GLDC: variants seen among roughly 807,000 people sequenced by gnomAD.
The protein encoded by GLDC is glycine decarboxylase.
GLDC carries 104 observed loss-of-function variants against 121.3 expected under a neutral mutation model. The ratio of observed to expected loss-of-function variants is 0.86; its 90% CI spans 0.73 to 1.01. The LOEUF (loss-of-function observed/expected upper bound fraction) is 1.01. Among genes scored for constraint, GLDC ranks in the 50% least tolerant of loss-of-function variants. The pLI is 0.00. For synonymous variants in GLDC, 546 were observed against 480.6 expected (o/e 1.14, Z -1.78); for missense variants, 1,429 against 1,306.6 (o/e 1.09, Z -1.44).
chr9:6,539,863 C>T (rs1245448104), intron 22 of GLDC, among the ~76,000 whole-genome samples, 188 bp downstream of exon 22: 1 of 152,154 alleles, frequency 6.6e-6, no homozygotes, highest in Non-Finnish European at 1.5e-5. Context: ...TTAATATCTT[C>T]TGAAGGGCAG....
intron 19 of GLDC, among the ~76,000 whole-genome samples, chr9:6,553,728 C>G (rs1817561659): frequency 6.6e-6 from 1 of 152,032 alleles, no homozygotes; most frequent in Non-Finnish European, 1.5e-5. Flanking sequence ...AGGGCTCACC[C>G]AAGAAATGTG....
rs554683699 is a variant in GLDC, at chr9:6,637,315, G to A, written c.334+7299C>T. On this transcript the variant is annotated intron_variant, in intron 2 of 24. Coordinates refer to ENST00000321612, the MANE Select transcript of GLDC (RefSeq NM_000170.3). The stretch of plus-strand genomic sequence containing the variant: ...AGCTACCTGGGAGGCAGAGGCAGGA[G>A]AATCATTTGAACCCCGGAGGCAGAG... Among the ~76,000 whole-genome samples, 683 of 151,372 alleles carry A rather than the reference G, an allele frequency of 4.5e-3. 3 individuals are homozygous for A. Among genetic ancestry groups the A allele is most frequent in the Non-Finnish European group, 8.4e-3 (572 of 67,936 alleles).
At chr9:6,548,828 A>T (rs934541940) in intron 21 of GLDC, among the ~76,000 whole-genome samples, 3 of 152,068 alleles carry the variant, frequency 2.0e-5, no homozygotes, top group African/African-American at 7.2e-5. Context: ...TTGTTCCCCC[A>T]TCTGTTTTTC....
intron 21 of GLDC, among the ~76,000 whole-genome samples, chr9:6,545,847 GCCTGGCTGGTCTCGAACT>G (rs1037286435): frequency 3.3e-5 from 5 of 152,072 alleles, no homozygotes; most frequent in Non-Finnish European, 5.9e-5. Context: ...CACCATGTTG[GCCTGGCTGGTCTCGAACT>G]CCTGAGTTCA....
intron 3 of GLDC, among the ~76,000 whole-genome samples, chr9:6,617,100 C>T (rs992366358): frequency 3.7e-4 from 57 of 152,244 alleles, no homozygotes; most frequent in African/African-American, 1.2e-3. Flanking sequence ...TTTCCCCTCA[C>T]GTCTCCGGAA....
At chr9:6,599,720 C>CA (rs549444099) in intron 8 of GLDC, among the ~76,000 whole-genome samples, 64,493 of 120,270 alleles carry the variant, frequency 0.54, 16,405 homozygotes, top group Middle Eastern at 0.61. Flanking sequence ...GACTCCATCT[C>CA]AAAAAAAAAA....
intron 15 of GLDC, among the ~76,000 whole-genome samples, chr9:6,578,206 G>C (rs1818110494): frequency 6.6e-6 from 1 of 150,798 alleles, no homozygotes. Context: ...CTGCAGCCTA[G>C]ACCTCTGGGT....
Position 6,605,093 on chromosome 9 carries a change from A to G in GLDC, c.861+38T>C, listed in dbSNP as rs2297444. On this transcript the variant is annotated intron_variant, in intron 6 of 24. Coordinates refer to ENST00000321612, the MANE Select transcript of GLDC (RefSeq NM_000170.3). ...TAGGTAGACAGATACAAGTTGGGAT[A>G]CGCCTCCACGGACCCCCCACAAGAA... 2.9e-4 allele frequency: 455 copies of G among 1,580,490 alleles called. 6 individuals carry two copies. The East Asian group carries it at 0.01, about 35-fold the overall frequency.
rs1177974911 is a variant in GLDC, at chr9:6,532,896, G to A, written c.*121C>T. On this transcript the variant is annotated 3_prime_UTR_variant, in exon 25 of 25. Transcript: ENST00000321612. ...TACATTTACCTTGACAGAGATTACA[G>A]AGATATACACAGTATATAAAACTCC... The A allele has an allele frequency of 4.1e-5, 32 of 779,696 alleles. No homozygotes were observed. The South Asian group carries it at 4.4e-4, about 11-fold the overall frequency. 48.3% of individuals were successfully genotyped at this position (779,696 alleles called of 1,614,324 possible).
intron 21 of GLDC, among the ~76,000 whole-genome samples, chr9:6,547,575 G>C (rs1416335503): frequency 1.3e-5 from 2 of 152,098 alleles, no homozygotes; most frequent in African/African-American, 2.4e-5. Flanking sequence ...CATGTCAAAA[G>C]CTTCAGTGCA....
rs1486136731 is a variant in GLDC, at chr9:6,620,257, A to G, written c.397T>C (p.Tyr133His). ...CAGTTATAATAGCCCATGCCAATAT[A>G]CGATCTCCAGATCTGGTTTTTGCTT... ...ISSKNQIWRSYIGMGYYNCSV... is the reference protein window; with the variant it reads ...ISSKNQIWRSHIGMGYYNCSV... Residue 133 changes from tyrosine (Y) to histidine (H), a missense_variant, in exon 3 of 25, where the codon TAT (tyrosine) becomes CAT (histidine). Coordinates refer to ENST00000321612, the MANE Select transcript of GLDC (RefSeq NM_000170.3). 1.2e-6 allele frequency: 2 copies of G among 1,613,496 alleles called. No homozygotes were observed. The highest frequency in any genetic ancestry group is 1.1e-5 in the South Asian group (1 of 91,066).
chr9:6,628,017 G>T (rs1819281587), intron 2 of GLDC, among the ~76,000 whole-genome samples: 1 of 152,140 alleles, frequency 6.6e-6, no homozygotes, highest in African/African-American at 2.4e-5. Context: ...AGACAGAAAA[G>T]TCCATGATCA....
chr9:6,558,324 T>C (rs145506840), intron 17 of GLDC: 165 of 628,748 alleles, frequency 2.6e-4, no homozygotes, highest in African/African-American at 2.6e-3. Flanking sequence ...CTGCAAGGAG[T>C]ACTCTTACTA....
rs140834518 is a variant in GLDC at position 6,616,233 on chromosome 9, A to G, written c.470+3951T>C. On this transcript the variant is annotated intron_variant, in intron 3 of 24. Coordinates refer to ENST00000321612, the MANE Select transcript of GLDC (RefSeq NM_000170.3). ...CACTTCTGCAGAATTCTGTTTAGATATTATTACATATTTCCACTTAAAAAC... is the reference window on the plus strand; with the variant it reads ...CACTTCTGCAGAATTCTGTTTAGATGTTATTACATATTTCCACTTAAAAAC... Among the ~76,000 whole-genome samples the G allele has an allele frequency of 6.1e-3, 927 of 152,368 alleles. 14 individuals carry two copies. The highest frequency in any genetic ancestry group is 0.021 in the African/African-American group (887 of 41,594).
At chr9:6,597,062 T>C (rs761346590) in intron 8 of GLDC, among the ~76,000 whole-genome samples, 2 of 152,176 alleles carry the variant, frequency 1.3e-5, no homozygotes, top group Non-Finnish European at 2.9e-5. Flanking sequence ...TAAGTACACA[T>C]TCATGCTACA....
chr9:6,538,823 C>T (rs1817192803), intron 22 of GLDC, among the ~76,000 whole-genome samples: 1 of 152,142 alleles, frequency 6.6e-6, no homozygotes, highest in Non-Finnish European at 1.5e-5. Context: ...AATCGCTAGC[C>T]GGGAGGCTGT....
At chr9:6,536,268 T>C in intron 22 of GLDC, 32 bp from the exon 23 acceptor site, 1 of 1,587,498 alleles carries the variant, frequency 6.3e-7, no homozygotes. Flanking sequence ...CTTGCCTCAC[T>C]GAAGGTCAGT....
chr9:6,566,886 C>G (rs180773091), intron 15 of GLDC, among the ~76,000 whole-genome samples: 116 of 152,184 alleles, frequency 7.6e-4, no homozygotes, highest in Non-Finnish European at 1.3e-3. Flanking sequence ...ATGCCATCAC[C>G]CCCATTTTGC....
In GLDC at chr9:6,553,485, C is replaced by G; in HGVS notation, c.2340G>C (p.Leu780Phe). The G allele has an allele frequency of 6.2e-7, 1 of 1,613,058 alleles. No individual in the cohort carries two copies. The highest frequency in any genetic ancestry group is 8.5e-7 in the Non-Finnish European group (1 of 1,179,650). ...TTAGTGAAATGACGGGATGATTGGG[C>G]AAAAACGGGGCGAGATGTTTCTTCC... Reference protein sequence around the residue: ...IGVKKHLAPFLPNHPVISLKR... With the variant: ...IGVKKHLAPFFPNHPVISLKR... Residue 780 changes from leucine (L) to phenylalanine (F), a missense_variant, in exon 20 of 25, where the codon TTG (leucine) becomes TTC (phenylalanine). Physicochemically the swap from Leu to Phe is conservative, Grantham distance 22 (BLOSUM62 0). Coordinates refer to ENST00000321612, the MANE Select transcript of GLDC (RefSeq NM_000170.3).
Sources: allele counts gnomAD v4.1 joint callset (sites outside exome capture counted in the v4.1 genomes callset), GRCh38; gene constraint gnomAD v4.1.1; transcripts MANE v1.5; gene names NCBI Gene and HGNC (gene_info 2026-07-23, HGNC 2026-07-21).